CENPH: variants seen among roughly 807,000 people sequenced by gnomAD.
CENPH encodes the protein centromere protein H, also known as CENP-H.
A neutral mutation model predicts 42.9 loss-of-function variants in CENPH; 40 were observed. That is an observed-to-expected ratio of 0.93 (90% CI 0.72 to 1.21). The LOEUF (loss-of-function observed/expected upper bound fraction) is 1.21. Ranked by LOEUF, CENPH falls within the 50% of genes most tolerant of loss-of-function variation. The pLI, the probability that CENPH is intolerant of heterozygous loss-of-function variation, is 0.00. For synonymous variants in CENPH, 88 were observed against 96.5 expected (o/e 0.91, Z 0.52); for missense variants, 302 against 292.9 (o/e 1.03, Z -0.23).
chr5:69,197,830 A>G (rs1232029333), intron 5 of CENPH, among the ~76,000 whole-genome samples: 1 of 149,612 alleles, frequency 6.7e-6, no homozygotes, highest in Non-Finnish European at 1.5e-5. Flanking sequence ...AAAAATAAAA[A>G]TTATTATGAG....
intron 2 of CENPH, 130 bp from the exon 3 acceptor site, chr5:69,194,517 A>C: frequency 3.7e-6 from 2 of 542,696 alleles, no homozygotes; most frequent in Non-Finnish European, 6.7e-6. Flanking sequence ...ATTAAATTTC[A>C]CTGTTTCTTT....
At chr5:69,203,003 A>G in intron 7 of CENPH, 33 bp downstream of exon 7, 3 of 1,459,538 alleles carry the variant, frequency 2.1e-6, no homozygotes, top group Admixed American at 3.7e-5. Context: ...GGCAGAACAC[A>G]TTTTGCTTAC....
At position 69,202,576 on chromosome 5, in the gene CENPH, T is replaced by C. The variant is rs199650541; in HGVS notation, c.435+7T>C. The C allele has an allele frequency of 4.0e-6, 6 of 1,490,514 alleles. No homozygotes were observed. In the African/African-American group the frequency reaches 6.9e-5, roughly 17 times the overall value. The allele number at this position is 1,490,514 out of a possible 1,614,324, so 92.3% of individuals were successfully genotyped here. On this transcript the variant is annotated splice_region_variant and intron_variant, in intron 6 of 8. Transcript: ENST00000283006. ...AATAATGAAATCACAGCAGGTAAAC[T>C]TACACATTAGGCTGATTATGCATTC... is the stretch of plus-strand genomic sequence containing the variant.
intron 5 of CENPH, among the ~76,000 whole-genome samples, chr5:69,197,819 A>T (rs1024045097): frequency 4.6e-5 from 7 of 150,912 alleles, no homozygotes; most frequent in African/African-American, 7.3e-5. Context: ...AAAATTTTTT[A>T]AAAAATAAAA....
At chr5:69,190,785 G>C (rs1232866700) in intron 1 of CENPH, among the ~76,000 whole-genome samples, 1 of 152,026 alleles carries the variant, frequency 6.6e-6, no homozygotes, top group Non-Finnish European at 1.5e-5. Flanking sequence ...AGCTACTCAG[G>C]AGGCTGAGGC....
At chr5:69,189,891 C>T in intron 1 of CENPH, 123 bp downstream of exon 1, 1 of 1,105,394 alleles carries the variant, frequency 9.0e-7, no homozygotes, top group Non-Finnish European at 1.2e-6. Context: ...GTGATTGCCT[C>T]ATTCACTTAA....
intron 5 of CENPH, among the ~76,000 whole-genome samples, chr5:69,198,632 C>T (rs577786214): frequency 1.4e-4 from 21 of 152,224 alleles, no homozygotes; most frequent in African/African-American, 5.1e-4. Context: ...CTTTTTCTCT[C>T]CCATAAAAGG....
At chr5:69,194,100 T>C (rs1354623691) in intron 2 of CENPH, among the ~76,000 whole-genome samples, 2 of 152,104 alleles carry the variant, frequency 1.3e-5, no homozygotes, top group Non-Finnish European at 1.5e-5. Flanking sequence ...AGTTCTAGGC[T>C]TTTTTCTGTA....
At chr5:69,200,843 T>A (rs1007985164) in intron 5 of CENPH, among the ~76,000 whole-genome samples, 4 of 146,634 alleles carry the variant, frequency 2.7e-5, no homozygotes, top group Non-Finnish European at 6.0e-5. Context: ...GTTCAAGCGA[T>A]TCTCCTGCCT....
rs577782853 is a variant in CENPH at position 69,207,014 on chromosome 5, A to T, written c.488-1182A>T. Among the ~76,000 whole-genome samples the T allele has an allele frequency of 3.9e-5, 6 of 152,028 alleles. No homozygotes were observed. In the East Asian group the frequency reaches 1.2e-3, roughly 30 times the overall value. On this transcript the variant is annotated intron_variant, in intron 7 of 8. Coordinates refer to ENST00000283006, the MANE Select transcript of CENPH (RefSeq NM_022909.4). ...AATGAGCCACCCATGCTCAGGCTATACCCTTTTGATGATTCATTTTCTCCA... is the reference window on the plus strand; with the variant it reads ...AATGAGCCACCCATGCTCAGGCTATTCCCTTTTGATGATTCATTTTCTCCA...
At chr5:69,195,545 G>A (rs1258645679) in intron 3 of CENPH, among the ~76,000 whole-genome samples, 172 bp from the exon 4 acceptor site, 2 of 152,166 alleles carry the variant, frequency 1.3e-5, no homozygotes, top group African/African-American at 4.8e-5. Context: ...TGAAGTAGCT[G>A]AGGGGCATTA....
chr5:69,194,714 T>A lies in CENPH; in HGVS notation c.239+19T>A. 6.6e-7 allele frequency: 1 copy of A among 1,505,384 alleles called. No individual in the cohort carries two copies. The highest frequency in any genetic ancestry group is 9.1e-7 in the Non-Finnish European group (1 of 1,097,988). 93.3% of individuals were successfully genotyped at this position (1,505,384 alleles called of 1,614,324 possible). A position where few individuals can be genotyped will look rare whatever the true frequency, so the allele number is the denominator to read the frequency against. On this transcript the variant is annotated intron_variant, in intron 3 of 8. Transcript: ENST00000283006. ...TCGAAGCGTATGTTATATTTAAAAA[T>A]TTTGTTTATGGTCTTTACTAAGATT...
intron 5 of CENPH, among the ~76,000 whole-genome samples, chr5:69,197,911 A>ATTTT (rs756442564): frequency 9.0e-6 from 1 of 111,598 alleles, no homozygotes; most frequent in Non-Finnish European, 1.8e-5. Context: ...CTTACCTATG[A>ATTTT]TCTTTTTTTT....
intron 8 of CENPH, 52 bp downstream of exon 8, chr5:69,208,411 G>A: frequency 1.6e-6 from 2 of 1,251,716 alleles, no homozygotes; most frequent in Middle Eastern, 2.6e-4. Context: ...CCAGGCTGGA[G>A]TGAAGTGGCT....
At chr5:69,190,358 G>A (rs1293623900) in intron 1 of CENPH, among the ~76,000 whole-genome samples, 1 of 152,030 alleles carries the variant, frequency 6.6e-6, no homozygotes, top group African/African-American at 2.4e-5. Context: ...AGTGTTGCAG[G>A]GAAAAGATCA....
chr5:69,193,663 GT>G (rs527294772), intron 2 of CENPH, among the ~76,000 whole-genome samples: 117 of 135,476 alleles, frequency 8.6e-4, no homozygotes, highest in East Asian at 4.2e-3. Flanking sequence ...TGTTTTTTCT[GT>G]TTTTTTTTTT....
At chr5:69,206,432 C>T (rs1031809189) in intron 7 of CENPH, among the ~76,000 whole-genome samples, 4 of 151,576 alleles carry the variant, frequency 2.6e-5, no homozygotes, top group African/African-American at 4.9e-5. Context: ...CCACCCACCT[C>T]GGCCTCCCAA....
intron 8 of CENPH, among the ~76,000 whole-genome samples, chr5:69,209,062 C>T (rs1045139395): frequency 1.2e-4 from 18 of 151,750 alleles, no homozygotes; most frequent in Non-Finnish European, 1.3e-4. Context: ...CCCAAAGTGC[C>T]GGGATTACAG....
At chr5:69,199,426 T>C (rs1160630148) in intron 5 of CENPH, among the ~76,000 whole-genome samples, 1 of 152,204 alleles carries the variant, frequency 6.6e-6, no homozygotes, top group Non-Finnish European at 1.5e-5. Context: ...TCCACCTGCG[T>C]TGGCCTTCCA....
Sources: allele counts gnomAD v4.1 joint callset (sites outside exome capture counted in the v4.1 genomes callset), GRCh38; gene constraint gnomAD v4.1.1; transcripts MANE v1.5; gene names NCBI Gene and HGNC (gene_info 2026-07-23, HGNC 2026-07-21).